KCNH5: variants seen among roughly 807,000 people sequenced by gnomAD.
KCNH5 encodes potassium voltage-gated channel subfamily H member 5.
KCNH5 carries 46 observed loss-of-function variants against 96.1 expected under a neutral mutation model. The observed-to-expected ratio is 0.48, with a 90% confidence interval of 0.38 to 0.61. KCNH5 has a LOEUF of 0.61. Ranked by LOEUF, KCNH5 falls within the 20% of genes least tolerant of loss-of-function variation. KCNH5 has a pLI of 0.00. For missense variants in KCNH5, 907 were observed against 1,225.8 expected (o/e 0.74, Z 3.88); for synonymous variants, 439 against 449.8 (o/e 0.98, Z 0.30).
At position 62,703,378 on chromosome 14, in the gene KCNH5, C is replaced by G. The variant is rs1194308731; in HGVS notation, c.*4130G>C. On this transcript the variant is annotated 3_prime_UTR_variant, in exon 11 of 11. Coordinates refer to ENST00000322893, the MANE Select transcript of KCNH5 (RefSeq NM_139318.5). The stretch of plus-strand genomic sequence containing the variant: ...TAGAGAGTACATCGTGGATACTCTT[C>G]TATGAAAGAATGAAAAAGTGATCAC... 2 of 151,828 alleles carry G rather than the reference C, an allele frequency of 1.3e-5. No individual in the cohort carries two copies. Among genetic ancestry groups the G allele is most frequent in the Non-Finnish European group, 3.0e-5 (2 of 67,782 alleles). The allele number at this position is 151,828 out of a possible 1,614,324, so 9.4% of individuals were successfully genotyped here.
At chr14:62,937,156 G>A (rs558473698) in intron 7 of KCNH5, among the ~76,000 whole-genome samples, 16 of 152,090 alleles carry the variant, frequency 1.1e-4, no homozygotes, top group Admixed American at 2.6e-4. Context: ...ACCATCCATC[G>A]CTAACTTAAG....
intron 1 of KCNH5, among the ~76,000 whole-genome samples, chr14:63,020,848 A>T (rs1891413452): frequency 6.6e-6 from 1 of 152,162 alleles, no homozygotes; most frequent in Non-Finnish European, 1.5e-5. Flanking sequence ...GAGAATCAGA[A>T]GTTTTAGTAA....
At chr14:62,814,398 T>C (rs1473700483) in intron 8 of KCNH5, among the ~76,000 whole-genome samples, 1 of 152,190 alleles carries the variant, frequency 6.6e-6, no homozygotes, top group Non-Finnish European at 1.5e-5. Context: ...AGGCAGATAT[T>C]TGACTAAATA....
chr14:62,843,553 AG>A (rs919021965), intron 8 of KCNH5, among the ~76,000 whole-genome samples: 23 of 151,926 alleles, frequency 1.5e-4, no homozygotes, highest in African/African-American at 5.1e-4. Context: ...CTGGGACTAC[AG>A]GCGTGCACCA....
chr14:63,043,367 A>C (rs1891862470), intron 1 of KCNH5, among the ~76,000 whole-genome samples: 1 of 152,140 alleles, frequency 6.6e-6, no homozygotes, highest in Non-Finnish European at 1.5e-5. Flanking sequence ...TGAAGTTGAA[A>C]TAACCCAAGA....
intron 3 of KCNH5, 100 bp from the exon 4 acceptor site, chr14:63,001,559 TG>T: frequency 1.8e-6 from 2 of 1,142,826 alleles, no homozygotes; most frequent in Non-Finnish European, 2.5e-6. Context: ...TGCCAACAGC[TG>T]TGCCAGGAAT....
chr14:62,918,200 G>T (rs756994919), intron 7 of KCNH5, among the ~76,000 whole-genome samples: 2 of 152,106 alleles, frequency 1.3e-5, no homozygotes, highest in Non-Finnish European at 2.9e-5. Flanking sequence ...GTTTGTGGGA[G>T]CTCTTAGTAA....
At chr14:62,713,641 T>C (rs967588895) in intron 10 of KCNH5, among the ~76,000 whole-genome samples, 2 of 152,342 alleles carry the variant, frequency 1.3e-5, no homozygotes, top group South Asian at 2.1e-4. Context: ...TTATGGACTT[T>C]AAACACTAAT....
chr14:62,780,571 A>C (rs1304906732), intron 9 of KCNH5, among the ~76,000 whole-genome samples: 1 of 152,176 alleles, frequency 6.6e-6, no homozygotes, highest in Non-Finnish European at 1.5e-5. Context: ...TCCCATGAAC[A>C]GTTCTATAAA....
chr14:62,752,885 T>C (rs1444207138), intron 10 of KCNH5, among the ~76,000 whole-genome samples: 1 of 152,158 alleles, frequency 6.6e-6, no homozygotes, highest in Non-Finnish European at 1.5e-5. Flanking sequence ...GCCTTCCCAG[T>C]CATGCAGAAC....
chr14:62,843,858 G>A (rs1043888435), intron 8 of KCNH5, among the ~76,000 whole-genome samples: 2 of 151,916 alleles, frequency 1.3e-5, no homozygotes, highest in Non-Finnish European at 1.5e-5. Flanking sequence ...TGACATGTAT[G>A]AAAATATAAT....
chr14:62,976,169 G>C (rs1302807876), intron 6 of KCNH5, among the ~76,000 whole-genome samples: 6 of 151,730 alleles, frequency 4.0e-5, no homozygotes, highest in Non-Finnish European at 8.8e-5. Context: ...GGGAGGCCAA[G>C]ACGGGTGGAT....
At chr14:62,910,941 A>ACACACC (rs61033705) in intron 7 of KCNH5, among the ~76,000 whole-genome samples, 8,435 of 140,448 alleles carry the variant, frequency 0.06, 300 homozygotes, top group South Asian at 0.087. Context: ...ACACACACAC[A>ACACACC]CCCCTCTGTT....
intron 6 of KCNH5, among the ~76,000 whole-genome samples, chr14:62,970,044 T>TCAAAAAAAAAAAAAAAAAAAA (rs535103059): frequency 3.3e-5 from 1 of 30,406 alleles, no homozygotes; most frequent in African/African-American, 1.2e-4. Flanking sequence ...AGACTCCGTC[T>TCAAAAAAAAAAAAAAAAAAAA]AAAAAAAAAA....
chr14:62,824,405 A>G (rs12147053), intron 8 of KCNH5, among the ~76,000 whole-genome samples: 4,728 of 152,192 alleles, frequency 0.031, 135 homozygotes, highest in South Asian at 0.08. Flanking sequence ...TTCAGGGCCT[A>G]CAAGGTAAGA....
intron 6 of KCNH5, among the ~76,000 whole-genome samples, chr14:62,969,412 GAA>G (rs1890361097): frequency 6.6e-6 from 1 of 152,092 alleles, no homozygotes; most frequent in Non-Finnish European, 1.5e-5. Flanking sequence ...AGAAATAAAT[GAA>G]ATTGAAAATA....
chr14:62,743,412 T>G (rs1264743817), intron 10 of KCNH5, among the ~76,000 whole-genome samples: 1 of 152,236 alleles, frequency 6.6e-6, no homozygotes, highest in Non-Finnish European at 1.5e-5. Flanking sequence ...AATAAATCTA[T>G]GAAATCTTTT....
intron 7 of KCNH5, among the ~76,000 whole-genome samples, chr14:62,936,992 A>G (rs1363031801): frequency 6.6e-6 from 1 of 151,358 alleles, no homozygotes; most frequent in Non-Finnish European, 1.5e-5. Flanking sequence ...AAAAAAAAAA[A>G]AAAAAAAAAG....
chr14:62,898,598 T>C (rs756920688), intron 7 of KCNH5, among the ~76,000 whole-genome samples: 1 of 152,104 alleles, frequency 6.6e-6, no homozygotes, highest in Non-Finnish European at 1.5e-5. Flanking sequence ...AATATAACTA[T>C]GTACTGTTTA....
Sources: gnomAD v4.1 joint callset for allele counts (sites outside exome capture counted in the v4.1 genomes callset) on GRCh38, gnomAD v4.1.1 for gene constraint, MANE v1.5 for transcripts, NCBI Gene and HGNC (gene_info 2026-07-23, HGNC 2026-07-21) for gene names.